Variants in PRRX1 observed in about 807,000 individuals in gnomAD.
PRRX1 encodes the protein paired related homeobox 1, also known as paired mesoderm homeobox protein 1.
PRRX1 carries 8 observed loss-of-function variants against 24.0 expected under a neutral mutation model. The ratio of observed to expected loss-of-function variants is 0.33; its 90% CI spans 0.20 to 0.60. The LOEUF is 0.60. Ranked by LOEUF, PRRX1 falls within the 20% of genes least tolerant of loss-of-function variation. The probability of loss-of-function intolerance (pLI) is 0.82; values close to 1 mark genes in which losing one functional copy is unlikely to be tolerated. For synonymous variants in PRRX1, 160 were observed against 131.7 expected (o/e 1.22, Z -1.47); for missense variants, 281 against 322.4 (o/e 0.87, Z 0.98).
chr1:170,731,145 A>G (rs1417932764), intron 3 of PRRX1, among the ~76,000 whole-genome samples: 1 of 152,238 alleles, frequency 6.6e-6, no homozygotes, highest in Non-Finnish European at 1.5e-5. Flanking sequence ...CAAAGAATTT[A>G]CCAGATCTCT....
intron 1 of PRRX1, among the ~76,000 whole-genome samples, chr1:170,674,418 A>T (rs1653241696): frequency 6.6e-6 from 1 of 152,112 alleles, no homozygotes; most frequent in East Asian, 1.9e-4. Flanking sequence ...AAATCTTCCC[A>T]TGCTTTCTTC....
chr1:170,737,473 A>G lies in PRRX1; in HGVS notation c.*1287A>G, dbSNP rs1472425873. 1 of 201,834 alleles carries G rather than the reference A, an allele frequency of 5.0e-6. No homozygotes were observed. Among genetic ancestry groups the G allele is most frequent in the Non-Finnish European group, 1.0e-5 (1 of 98,140 alleles). 12.5% of individuals were successfully genotyped at this position (201,834 alleles called of 1,614,324 possible). A position where few individuals can be genotyped will look rare whatever the true frequency, so the allele number is the denominator to read the frequency against. On this transcript the variant is annotated 3_prime_UTR_variant, in exon 4 of 4. Transcript: ENST00000239461. ...GGTGAAATGCTGATACATCTGATCTATCATGGGAATTGCAGTTAGAGAGAG... is the reference window on the plus strand; with the variant it reads ...GGTGAAATGCTGATACATCTGATCTGTCATGGGAATTGCAGTTAGAGAGAG...
chr1:170,724,257 T>C (rs1166814941), intron 2 of PRRX1, among the ~76,000 whole-genome samples: 2 of 152,184 alleles, frequency 1.3e-5, no homozygotes, highest in Non-Finnish European at 1.5e-5. Context: ...ACTCTGATGA[T>C]AGTTTATTTT....
chr1:170,729,427 G>C (rs907484597), intron 3 of PRRX1, among the ~76,000 whole-genome samples: 1 of 151,004 alleles, frequency 6.6e-6, no homozygotes, highest in African/African-American at 2.4e-5. Flanking sequence ...AAAAAAGAAA[G>C]GAGAAAACCA....
intron 1 of PRRX1, among the ~76,000 whole-genome samples, chr1:170,707,935 A>C (rs766404151): frequency 2.0e-5 from 3 of 152,204 alleles, no homozygotes; most frequent in Non-Finnish European, 2.9e-5. Context: ...TGTAAGTCAT[A>C]TTGGAAACAG....
intron 1 of PRRX1, among the ~76,000 whole-genome samples, chr1:170,670,561 C>A (rs1309788236): frequency 2.0e-5 from 3 of 151,954 alleles, no homozygotes; most frequent in Non-Finnish European, 4.4e-5. Flanking sequence ...AGTAGATTGT[C>A]GTTGTCATTT....
chr1:170,664,178 G>T lies in PRRX1; in HGVS notation c.-41G>T. 6.3e-7 allele frequency: 1 copy of T among 1,584,650 alleles called. No individual in the cohort carries two copies. The highest frequency in any genetic ancestry group is 1.2e-5 in the South Asian group (1 of 85,526). On this transcript the variant is annotated 5_prime_UTR_variant, in exon 1 of 4. Transcript: ENST00000239461. Reference sequence around the variant, plus strand: ...CGCCCACAGCGTTTGGTGTTGATTCGAGCGGGAAGAGGGGGGTGGGTGGGA... The same window carrying T: ...CGCCCACAGCGTTTGGTGTTGATTCTAGCGGGAAGAGGGGGGTGGGTGGGA...
chr1:170,664,698 G>A (rs962274896), intron 1 of PRRX1, among the ~76,000 whole-genome samples: 1 of 152,242 alleles, frequency 6.6e-6, no homozygotes, highest in Non-Finnish European at 1.5e-5. Context: ...GGGACACTCC[G>A]AGGCCCTGCG....
At chr1:170,716,905 C>T (rs1249093115) in intron 1 of PRRX1, among the ~76,000 whole-genome samples, 4 of 152,168 alleles carry the variant, frequency 2.6e-5, no homozygotes, top group African/African-American at 9.7e-5. Context: ...TCCTTTTGTA[C>T]TGCTGAAGAT....
rs1655688792 is a variant in PRRX1 at position 170,738,328 on chromosome 1, T to C, written c.*2142T>C. 4.4e-6 allele frequency: 1 copy of C among 224,982 alleles called. No homozygotes were observed. Among genetic ancestry groups the C allele is most frequent in the Non-Finnish European group, 8.9e-6 (1 of 112,972 alleles). 13.9% of individuals were successfully genotyped at this position (224,982 alleles called of 1,614,324 possible). A position where few individuals can be genotyped will look rare whatever the true frequency, so the allele number is the denominator to read the frequency against. On this transcript the variant is annotated 3_prime_UTR_variant, in exon 4 of 4. Coordinates refer to ENST00000239461, the MANE Select transcript of PRRX1 (RefSeq NM_022716.4). ...CAATCTAACAGCCACCAATCTGAAATTGTATTTCAAATGTTGATTCTGTAG... is the reference window on the plus strand; with the variant it reads ...CAATCTAACAGCCACCAATCTGAAACTGTATTTCAAATGTTGATTCTGTAG...
At chr1:170,701,325 A>G (rs1362402474) in intron 1 of PRRX1, among the ~76,000 whole-genome samples, 1 of 152,196 alleles carries the variant, frequency 6.6e-6, no homozygotes, top group African/African-American at 2.4e-5. Context: ...TTGACCTTTC[A>G]TACTTACCAG....
intron 1 of PRRX1, among the ~76,000 whole-genome samples, chr1:170,670,954 C>T (rs188279958): frequency 6.6e-6 from 1 of 152,264 alleles, no homozygotes; most frequent in Admixed American, 6.5e-5. Context: ...CTGGATGTCC[C>T]AGTCCCTTAG....
intron 1 of PRRX1, among the ~76,000 whole-genome samples, chr1:170,666,417 CAAAA>C (rs35075394): frequency 3.3e-4 from 25 of 75,938 alleles, no homozygotes; most frequent in African/African-American, 1.0e-3. Context: ...GACTCCGTCT[CAAAA>C]AAAAAAAAAA....
intron 1 of PRRX1, among the ~76,000 whole-genome samples, chr1:170,718,865 C>G (rs950705216): frequency 1.3e-5 from 2 of 152,170 alleles, no homozygotes; most frequent in African/African-American, 4.8e-5. Context: ...TATGGACAAC[C>G]TGGACAATTA....
intron 1 of PRRX1, among the ~76,000 whole-genome samples, chr1:170,702,856 G>A (rs1654434969): frequency 6.6e-6 from 1 of 152,150 alleles, no homozygotes; most frequent in African/African-American, 2.4e-5. Context: ...TACGATGTTG[G>A]GTGAAATGGA....
intron 2 of PRRX1, among the ~76,000 whole-genome samples, chr1:170,723,798 C>T (rs549886569): frequency 6.6e-6 from 1 of 152,262 alleles, no homozygotes; most frequent in African/African-American, 2.4e-5. Context: ...GCTTATTGCT[C>T]TTAGGTCACA....
chr1:170,684,616 G>T (rs1158480406), intron 1 of PRRX1, among the ~76,000 whole-genome samples: 1 of 152,138 alleles, frequency 6.6e-6, no homozygotes, highest in East Asian at 1.9e-4. Flanking sequence ...AGCTGGGTGT[G>T]GTGGTACACG....
At position 170,731,765 on chromosome 1, in the gene PRRX1, C is replaced by T. The variant is rs1655446725; in HGVS notation, c.600-4283C>T. On this transcript the variant is annotated intron_variant, in intron 3 of 3. Coordinates refer to ENST00000239461, the MANE Select transcript of PRRX1 (RefSeq NM_022716.4). ...CTGTGTTGCATCTGTTAGGAATCTC[C>T]AAACAAGTAAATGGAAACATTTGAA... Among the ~76,000 whole-genome samples, 3 of 152,168 alleles carry T rather than the reference C, an allele frequency of 2.0e-5. No homozygotes were observed. The South Asian group carries it at 6.2e-4, about 32-fold the overall frequency.
chr1:170,731,139 G>T (rs1391720977), intron 3 of PRRX1, among the ~76,000 whole-genome samples: 3 of 152,170 alleles, frequency 2.0e-5, no homozygotes, highest in Admixed American at 2.0e-4. Flanking sequence ...CCTTTCCAAA[G>T]AATTTACCAG....
Sources: allele counts gnomAD v4.1 joint callset (sites outside exome capture counted in the v4.1 genomes callset), GRCh38; gene constraint gnomAD v4.1.1; transcripts MANE v1.5; gene names NCBI Gene and HGNC (gene_info 2026-07-23, HGNC 2026-07-21).